Variants in DLGAP1 observed in about 807,000 individuals in gnomAD.
The protein encoded by DLGAP1 is DLG associated protein 1.
DLGAP1 carries 11 observed loss-of-function variants against 90.8 expected under a neutral mutation model. The ratio of observed to expected loss-of-function variants is 0.12; its 90% CI spans 0.08 to 0.20. The LOEUF is 0.20. Among genes scored for constraint, DLGAP1 ranks in the 10% least tolerant of loss-of-function variants. The probability of loss-of-function intolerance (pLI) is 1.00; values close to 1 mark genes in which losing one functional copy is unlikely to be tolerated. For synonymous variants in DLGAP1, 558 were observed against 540.7 expected, an observed-to-expected ratio of 1.03 and a Z score of -0.44; for missense variants, 1,050 against 1,333.8, an observed-to-expected ratio of 0.79 and a Z score of 3.31.
chr18:3,626,909 GA>G lies in DLGAP1; in HGVS notation c.1592-44662del, dbSNP rs951047532. On this transcript the variant is annotated intron_variant, in intron 7 of 12. Coordinates refer to ENST00000315677, the MANE Select transcript of DLGAP1 (RefSeq NM_004746.4). ...GTGAGACTCTGTCTCACAAAAAAAA[GA>G]AAAGAAAATATTTGAAGCTAAGACT... Among the ~76,000 whole-genome samples the G allele has an allele frequency of 3.3e-5, 5 of 152,106 alleles. No individual in the cohort carries two copies. In the South Asian group the frequency reaches 1.0e-3, roughly 32 times the overall value.
intron 2 of DLGAP1, among the ~76,000 whole-genome samples, chr18:4,103,040 G>A (rs534344539): frequency 6.6e-6 from 1 of 152,318 alleles, no homozygotes; most frequent in East Asian, 1.9e-4. Flanking sequence ...GCCTGCAAGT[G>A]TGTACTCCTT....
At chr18:3,988,140 G>A (rs1568336430) in intron 3 of DLGAP1, among the ~76,000 whole-genome samples, 1 of 151,812 alleles carries the variant, frequency 6.6e-6, no homozygotes, top group Non-Finnish European at 1.5e-5. Context: ...AGTGATATAA[G>A]TGTTGCTTAT....
At chr18:3,875,093 C>T (rs570491064) in intron 4 of DLGAP1, among the ~76,000 whole-genome samples, 1 of 152,288 alleles carries the variant, frequency 6.6e-6, no homozygotes, top group Admixed American at 6.5e-5. Flanking sequence ...CTAATTTCAT[C>T]TTTGTTAGTC....
In DLGAP1 at chr18:3,639,818, G is replaced by C. The variant is rs1014685743; in HGVS notation, c.1592-57570C>G. Among the ~76,000 whole-genome samples, 14 of 136,530 alleles carry C rather than the reference G, an allele frequency of 1.0e-4. 1 individual carries two copies. Among genetic ancestry groups the C allele is most frequent in the Non-Finnish European group, 1.9e-4 (12 of 64,674 alleles). 89.6% of individuals were successfully genotyped at this position (136,530 alleles called of 152,430 possible). On this transcript the variant is annotated intron_variant, in intron 7 of 12. Transcript: ENST00000315677. ...CGCCCAGGCTGGAGTGCAGTGGCGCGATCTCGGCTCACTGCAAGCTCCGCC... is the reference window on the plus strand; with the variant it reads ...CGCCCAGGCTGGAGTGCAGTGGCGCCATCTCGGCTCACTGCAAGCTCCGCC...
At chr18:3,786,024 T>C (rs921517744) in intron 5 of DLGAP1, among the ~76,000 whole-genome samples, 2 of 152,214 alleles carry the variant, frequency 1.3e-5, no homozygotes, top group African/African-American at 2.4e-5. Flanking sequence ...CATCCTCCAA[T>C]GCTTCCTTCT....
At chr18:4,102,575 T>C (rs543349260) in intron 2 of DLGAP1, among the ~76,000 whole-genome samples, 4 of 152,310 alleles carry the variant, frequency 2.6e-5, no homozygotes, top group African/African-American at 4.8e-5. Context: ...ACAGGATCAC[T>C]GGTGATGTTT....
chr18:4,185,900 C>T (rs2077285354), intron 1 of DLGAP1, among the ~76,000 whole-genome samples: 1 of 152,140 alleles, frequency 6.6e-6, no homozygotes, highest in South Asian at 2.1e-4. Context: ...ACACTCCCAG[C>T]AACAGTGTAT....
chr18:4,147,229 C>T (rs979560888), intron 2 of DLGAP1, among the ~76,000 whole-genome samples: 14 of 152,182 alleles, frequency 9.2e-5, no homozygotes, highest in Middle Eastern at 3.2e-3. Context: ...TGGTTTCACA[C>T]AACCAGCGGC....
intron 6 of DLGAP1, among the ~76,000 whole-genome samples, chr18:3,732,854 C>T (rs559124324): frequency 6.6e-6 from 1 of 152,096 alleles, no homozygotes; most frequent in Admixed American, 6.5e-5. Context: ...AGAACACAAT[C>T]TGGGTACTAG....
chr18:3,725,103 G>A (rs2062119182), intron 7 of DLGAP1, among the ~76,000 whole-genome samples: 1 of 152,016 alleles, frequency 6.6e-6, no homozygotes, highest in South Asian at 2.1e-4. Flanking sequence ...TACTTTCTGG[G>A]AAACCACTGC....
chr18:3,965,921 A>G (rs1855999521), intron 3 of DLGAP1, among the ~76,000 whole-genome samples: 1 of 125,474 alleles, frequency 8.0e-6, no homozygotes, highest in African/African-American at 3.1e-5. Context: ...GCACTGGGCG[A>G]CCGGGTAAGA....
At chr18:3,717,520 C>CT (rs973283636) in intron 7 of DLGAP1, among the ~76,000 whole-genome samples, 13 of 152,104 alleles carry the variant, frequency 8.5e-5, no homozygotes, top group African/African-American at 2.7e-4. Context: ...TCTAGAGGTT[C>CT]TTTTTTTTCC....
intron 8 of DLGAP1, among the ~76,000 whole-genome samples, chr18:3,570,928 CAA>C (rs71366686): frequency 1.9e-4 from 22 of 112,980 alleles, no homozygotes; most frequent in African/African-American, 2.3e-4. Flanking sequence ...GACAGTGTCT[CAA>C]AAAAAAAAAA....
At chr18:4,089,017 T>A (rs1013198943) in intron 2 of DLGAP1, among the ~76,000 whole-genome samples, 3 of 152,218 alleles carry the variant, frequency 2.0e-5, no homozygotes, top group Non-Finnish European at 4.4e-5. Flanking sequence ...AAACTGCCTC[T>A]GTTTGCAGAT....
chr18:3,768,137 AG>A (rs2064341618), intron 5 of DLGAP1, among the ~76,000 whole-genome samples: 3 of 152,304 alleles, frequency 2.0e-5, no homozygotes, highest in Non-Finnish European at 4.4e-5. Context: ...TACAAAAATC[AG>A]TTGTATTTCT....
At chr18:4,425,142 GA>G (rs1228432609) in intron 1 of DLGAP1, among the ~76,000 whole-genome samples, 1 of 151,582 alleles carries the variant, frequency 6.6e-6, no homozygotes, top group Admixed American at 6.6e-5. Flanking sequence ...TCAAAATCTA[GA>G]AAAAATATTT....
intron 7 of DLGAP1, among the ~76,000 whole-genome samples, chr18:3,681,706 A>G (rs1041678688): frequency 2.6e-5 from 4 of 152,144 alleles, no homozygotes; most frequent in African/African-American, 7.2e-5. Context: ...GTAATCCCCA[A>G]TGTTGAAGGT....
At chr18:3,737,280 C>A (rs1181475713) in intron 6 of DLGAP1, among the ~76,000 whole-genome samples, 1 of 152,196 alleles carries the variant, frequency 6.6e-6, no homozygotes, top group Non-Finnish European at 1.5e-5. Context: ...ATGAGGCCAG[C>A]ATCATTCTGA....
chr18:3,853,301 G>C (rs1303960923), intron 4 of DLGAP1, among the ~76,000 whole-genome samples: 1 of 152,072 alleles, frequency 6.6e-6, no homozygotes, highest in Non-Finnish European at 1.5e-5. Context: ...GAACCAGAAA[G>C]GTTTTGAATT....
Sources: gnomAD v4.1 joint callset for allele counts (sites outside exome capture counted in the v4.1 genomes callset) on GRCh38, gnomAD v4.1.1 for gene constraint, MANE v1.5 for transcripts, NCBI Gene and HGNC (gene_info 2026-07-23, HGNC 2026-07-21) for gene names.